Variants in SLF1 observed in about 807,000 individuals in gnomAD.
SLF1 encodes SMC5/6 complex localization factor 1.
SLF1 carries 105 observed loss-of-function variants against 123.0 expected under a neutral mutation model. The observed-to-expected ratio is 0.85, with a 90% CI of 0.73 to 1.00. SLF1 has a LOEUF of 1.00. Among genes scored for constraint, SLF1 ranks in the 50% least tolerant of loss-of-function variants. The pLI is 0.00. For synonymous variants in SLF1, 434 were observed against 406.6 expected (o/e 1.07, Z -0.81); for missense variants, 1,239 against 1,223.0 (o/e 1.01, Z -0.20).
chr5:94,684,009 C>T (rs960171379), intron 15 of SLF1, among the ~76,000 whole-genome samples: 1 of 152,088 alleles, frequency 6.6e-6, no homozygotes, highest in African/African-American at 2.4e-5. Flanking sequence ...ATTTTTTATT[C>T]CCCTTGACTT....
At chr5:94,689,222 CTT>C (rs1187488617) in intron 17 of SLF1, among the ~76,000 whole-genome samples, 1 of 152,080 alleles carries the variant, frequency 6.6e-6, no homozygotes, top group Admixed American at 6.6e-5. Context: ...GTCTTTTTCT[CTT>C]TATTTGACAT....
At chr5:94,681,249 C>T (rs948503508) in intron 15 of SLF1, among the ~76,000 whole-genome samples, 1 of 152,068 alleles carries the variant, frequency 6.6e-6, no homozygotes, top group African/African-American at 2.4e-5. Flanking sequence ...TGTGCCTCAG[C>T]CTCCCAAGTA....
At chr5:94,692,393 A>C in intron 20 of SLF1, 137 bp downstream of exon 20, 1 of 882,906 alleles carries the variant, frequency 1.1e-6, no homozygotes, top group Non-Finnish European at 1.7e-6. Flanking sequence ...AAGTAAGGAT[A>C]AAAAGTCTCC....
At chr5:94,658,743 C>T (rs1748724716) in intron 9 of SLF1, among the ~76,000 whole-genome samples, 1 of 152,172 alleles carries the variant, frequency 6.6e-6, no homozygotes, top group Admixed American at 6.5e-5. Flanking sequence ...TTGCCCATCA[C>T]TTCTCCATCT....
rs114267295 is a variant in SLF1 at position 94,637,439 on chromosome 5, G to C, written c.432-5834G>C. Among the ~76,000 whole-genome samples the C allele has an allele frequency of 2.4e-3, 362 of 152,190 alleles. 1 individual carries two copies. Among genetic ancestry groups the C allele is most frequent in the African/African-American group, 8.6e-3 (355 of 41,452 alleles). ...GAGCTGCAGGCTAGGCACTGCAATT[G>C]TCTCCAGTTGGGCCAGGCTCAGGGT... On this transcript the variant is annotated intron_variant, in intron 4 of 20. Transcript: ENST00000265140.
At position 94,692,243 on chromosome 5, in the gene SLF1, A is replaced by G. The variant is rs1753119430; in HGVS notation, c.2682A>G (p.Leu894=). 1 of 1,613,402 alleles carries G rather than the reference A, an allele frequency of 6.2e-7. No individual in the cohort carries two copies. Among genetic ancestry groups the G allele is most frequent in the African/African-American group, 1.3e-5 (1 of 74,880 alleles). ...GACATGTAGAAATTGGCAAGCTGCT[A>G]CTACAGCATGGGGGTGAGTGTGTTT... is the stretch of plus-strand genomic sequence containing the variant. ...SNGHVEIGKL[L]LQHGGPVLLQ... is the part of the protein sequence containing the mutation. Residue 894 remains leucine (L), a synonymous_variant, in exon 20 of 21, where the codon CTA becomes CTG. Coordinates refer to ENST00000265140, the MANE Select transcript of SLF1 (RefSeq NM_032290.4).
rs1745281156 is a variant in SLF1 at position 94,632,180 on chromosome 5, A to G, written c.431+1437A>G. 2.6e-5 allele frequency among the ~76,000 whole-genome samples: 4 copies of G among 151,894 alleles called. No homozygotes were observed. The South Asian group carries it at 6.2e-4, about 24-fold the overall frequency. On this transcript the variant is annotated intron_variant, in intron 4 of 20. Coordinates refer to ENST00000265140, the MANE Select transcript of SLF1 (RefSeq NM_032290.4). ...CCTGTTGCTCTGAAGTTATTTTGGC[A>G]CTGTTAACGAAAATCAATTGACCAT...
intron 4 of SLF1, among the ~76,000 whole-genome samples, chr5:94,643,055 A>G (rs939084831): frequency 1.3e-5 from 2 of 152,184 alleles, no homozygotes; most frequent in African/African-American, 2.4e-5. Flanking sequence ...CAAGAAATGG[A>G]TAGGTAGAAA....
intron 3 of SLF1, chr5:94,629,775 C>G (rs962089652): frequency 6.6e-6 from 1 of 152,174 alleles, no homozygotes; most frequent in Admixed American, 6.5e-5. Context: ...AAGGAAAACA[C>G]TTGCATTCGT....
intron 19 of SLF1, 38 bp from the exon 20 acceptor site, chr5:94,692,036 T>C: frequency 6.2e-7 from 1 of 1,602,470 alleles, no homozygotes; most frequent in East Asian, 2.2e-5. Context: ...AAAGTCCTAC[T>C]TCTGCTGTTT....
intron 10 of SLF1, among the ~76,000 whole-genome samples, 173 bp downstream of exon 10, chr5:94,662,524 A>G (rs1749247606): frequency 6.6e-6 from 1 of 152,248 alleles, no homozygotes; most frequent in Admixed American, 6.5e-5. Context: ...ATATTCTGTC[A>G]AAACTCCCCC....
intron 12 of SLF1, among the ~76,000 whole-genome samples, chr5:94,667,609 G>C (rs796084059): frequency 3.3e-5 from 5 of 152,254 alleles, no homozygotes; most frequent in African/African-American, 1.2e-4. Context: ...AGCGAAATAC[G>C]TAAGACCCTT....
chr5:94,638,019 C>T (rs966470025), intron 4 of SLF1, among the ~76,000 whole-genome samples: 14 of 151,962 alleles, frequency 9.2e-5, no homozygotes, highest in African/African-American at 3.1e-4. Flanking sequence ...TAGAGATTCC[C>T]GCCAGGTAGA....
At chr5:94,684,911 T>G (rs991790157) in intron 15 of SLF1, among the ~76,000 whole-genome samples, 6 of 152,240 alleles carry the variant, frequency 3.9e-5, no homozygotes, top group Non-Finnish European at 8.8e-5. Context: ...TTTCTCAGCC[T>G]GTATACTGAT....
chr5:94,630,900 G>C (rs901899416), intron 4 of SLF1, among the ~76,000 whole-genome samples, 157 bp downstream of exon 4: 13 of 152,104 alleles, frequency 8.5e-5, no homozygotes, highest in Non-Finnish European at 1.6e-4. Context: ...TTAGACTTAT[G>C]TGTCTTTAAT....
At chr5:94,665,608 G>C (rs1264543368) in intron 11 of SLF1, among the ~76,000 whole-genome samples, 1 of 152,124 alleles carries the variant, frequency 6.6e-6, no homozygotes, top group African/African-American at 2.4e-5. Flanking sequence ...AATTAGCCAG[G>C]CATGGTGGTG....
Position 94,665,945 on chromosome 5 carries a change from A to C in SLF1, c.1453A>C (p.Met485Leu). ...GCATCCTCCTTGGAAGTCTCCAGCC[A>C]TGTCGAGATATTATTTAGAGTTGTT... is the stretch of plus-strand genomic sequence containing the variant. ...HLHPPWKSPAMSRYYLELFQC... is the reference protein window; with the variant it reads ...HLHPPWKSPALSRYYLELFQC... Residue 485 changes from methionine to leucine, a missense_variant, in exon 12 of 21, where the codon ATG becomes CTG. By Grantham distance (15) the Met-to-Leu change is conservative. Transcript: ENST00000265140. 1 of 1,551,272 alleles carries C rather than the reference A, an allele frequency of 6.4e-7. No homozygotes were observed. The highest frequency in any genetic ancestry group is 8.7e-7 in the Non-Finnish European group (1 of 1,146,510).
At chr5:94,649,387 C>T in intron 5 of SLF1, 67 bp from the exon 6 acceptor site, 3 of 1,271,370 alleles carry the variant, frequency 2.4e-6, no homozygotes, top group Non-Finnish European at 3.1e-6. Flanking sequence ...AGTTGAGTAC[C>T]ATAAAACGTA....
intron 9 of SLF1, among the ~76,000 whole-genome samples, chr5:94,657,647 C>T (rs940368104): frequency 3.3e-5 from 5 of 151,858 alleles, no homozygotes; most frequent in African/African-American, 1.2e-4. Flanking sequence ...ATTAGAGTCC[C>T]CAATTGTTAC....
Sources: gnomAD v4.1 joint callset for allele counts (sites outside exome capture counted in the v4.1 genomes callset) on GRCh38, gnomAD v4.1.1 for gene constraint, MANE v1.5 for transcripts, NCBI Gene and HGNC (gene_info 2026-07-23, HGNC 2026-07-21) for gene names.